Variants in TBC1D2B observed in about 807,000 individuals in gnomAD.
TBC1D2B encodes the protein TBC1 domain family member 2B.
Under a neutral mutation model 100.8 loss-of-function variants are expected in TBC1D2B, and 64 were observed. The observed-to-expected ratio is 0.64, with a 90% CI of 0.52 to 0.78. The LOEUF (loss-of-function observed/expected upper bound fraction) is 0.78. Among genes scored for constraint, TBC1D2B ranks in the 30% least tolerant of loss-of-function variants. The pLI is 0.00. For missense variants in TBC1D2B, 1,052 were observed against 1,218.4 expected (o/e 0.86, Z 2.03); for synonymous variants, 480 against 479.7 (o/e 1.00, Z -0.01).
intron 6 of TBC1D2B, 114 bp downstream of exon 6, chr15:78,024,042 A>G (rs2072586261): frequency 1.5e-6 from 2 of 1,352,074 alleles, no homozygotes; most frequent in Non-Finnish European, 2.0e-6. Flanking sequence ...GGGGAAAAAA[A>G]ATAAGTGTGC....
chr15:78,065,588 A>T (rs2073639436), intron 1 of TBC1D2B, among the ~76,000 whole-genome samples: 1 of 152,240 alleles, frequency 6.6e-6, no homozygotes, highest in Non-Finnish European at 1.5e-5. Flanking sequence ...CAGCTCTGCC[A>T]TTGCACAATG....
At chr15:78,023,702 A>C (rs1191242242) in intron 6 of TBC1D2B, among the ~76,000 whole-genome samples, 2 of 152,172 alleles carry the variant, frequency 1.3e-5, no homozygotes, top group Non-Finnish European at 2.9e-5. Flanking sequence ...GCCTACTTGG[A>C]AGCTGGAGTC....
chr15:78,000,128 C>T (rs1484606733), intron 12 of TBC1D2B, among the ~76,000 whole-genome samples: 3 of 152,334 alleles, frequency 2.0e-5, no homozygotes, highest in South Asian at 2.1e-4. Flanking sequence ...GGGAGCCTGC[C>T]GCCGCCTTGG....
Position 78,013,200 on chromosome 15 carries a change from G to C in TBC1D2B, c.1893C>G (p.Val631=). ...AGTTTTCCCACTTGACCCCAGTGGA[G>C]ACTTCCTGGTTTTCTGTGAGGTAGA... ...KTLYLTENQE[V]STGVKWENYF... is the part of the protein sequence containing the mutation. The change falls in exon 9 of 13, where the codon GTC becomes GTG. Residue 631 remains valine (V), a synonymous_variant. Coordinates refer to ENST00000300584, the MANE Select transcript of TBC1D2B (RefSeq NM_144572.2). 1 of 1,614,020 alleles carries C rather than the reference G, an allele frequency of 6.2e-7. No individual in the cohort carries two copies. The highest frequency in any genetic ancestry group is 8.5e-7 in the Non-Finnish European group (1 of 1,179,898).
At chr15:78,034,461 T>C in intron 3 of TBC1D2B, 1 of 982,712 alleles carries the variant, frequency 1.0e-6, no homozygotes, top group Non-Finnish European at 1.2e-6. Flanking sequence ...TTTTAGGAGT[T>C]AAATTCTCCT....
At chr15:78,013,436 G>A (rs1462399022) in intron 8 of TBC1D2B, 119 bp from the exon 9 acceptor site, 3 of 961,080 alleles carry the variant, frequency 3.1e-6, no homozygotes, top group Admixed American at 5.8e-5. Context: ...TGAACTATGA[G>A]AAGCATTTCA....
intron 2 of TBC1D2B, among the ~76,000 whole-genome samples, chr15:78,048,548 CCT>C (rs2073247563): frequency 6.6e-6 from 1 of 152,156 alleles, no homozygotes; most frequent in Non-Finnish European, 1.5e-5. Flanking sequence ...GGTGTTTAGA[CCT>C]CTGTCTTTTT....
chr15:78,015,568 G>A (rs568731767), intron 8 of TBC1D2B, among the ~76,000 whole-genome samples: 1 of 152,344 alleles, frequency 6.6e-6, no homozygotes, highest in East Asian at 1.9e-4. Flanking sequence ...AAGCAGCAAT[G>A]CCCAGCGTAC....
At chr15:78,045,097 T>A (rs1182013956) in intron 2 of TBC1D2B, 29 bp from the exon 3 acceptor site, 1 of 1,578,424 alleles carries the variant, frequency 6.3e-7, no homozygotes, top group Admixed American at 1.8e-5. Context: ...AAATGTCAGT[T>A]ACTCAAAGCT....
intron 11 of TBC1D2B, chr15:78,003,047 C>T (rs2071958114): frequency 8.8e-6 from 3 of 342,504 alleles, no homozygotes; most frequent in Non-Finnish European, 1.7e-5. Context: ...GATGGTGAGG[C>T]TCAGGCTCAA....
chr15:78,001,706 T>G lies in TBC1D2B; in HGVS notation c.2609A>C (p.Tyr870Ser). ...CAATTTCAAAATCTCCTCTTCCTTG[T>G]ACTTAAAAAGTGCCAGAGCAAAACG... Reference protein sequence around the residue: ...IFRFALALFKYKEEEILKLQD... With the variant: ...IFRFALALFKSKEEEILKLQD... Residue 870 changes from tyrosine (Y) to serine (S), a missense_variant, in exon 12 of 13, where the codon TAC becomes TCC. Tyr to Ser is a moderately radical substitution (Grantham distance 144). This residue lies in a region of TBC1D2B where 373 missense variants were observed against 464.9 expected (regional missense o/e 0.80). Coordinates refer to ENST00000300584, the MANE Select transcript of TBC1D2B (RefSeq NM_144572.2). 2 of 1,608,758 alleles carry G rather than the reference T, an allele frequency of 1.2e-6. No homozygotes were observed. Among genetic ancestry groups the G allele is most frequent in the Non-Finnish European group, 1.7e-6 (2 of 1,177,508 alleles).
chr15:78,044,631 C>A (rs1259459573), intron 3 of TBC1D2B, among the ~76,000 whole-genome samples: 1 of 152,202 alleles, frequency 6.6e-6, no homozygotes, highest in Non-Finnish European at 1.5e-5. Flanking sequence ...CAGTTTCAGT[C>A]TCTGTAAAAT....
In TBC1D2B at chr15:78,056,391, A is replaced by T. The variant is rs181324753; in HGVS notation, c.361-2204T>A. On this transcript the variant is annotated intron_variant, in intron 1 of 12. Transcript: ENST00000300584. ...AGCAGGGCACTGACATTATTAGACA[A>T]AGGTACTGCTGGTGAAAATGGTGGT... Among the ~76,000 whole-genome samples, 350 of 152,298 alleles carry T rather than the reference A, an allele frequency of 2.3e-3. 4 individuals are homozygous for T. The highest frequency in any genetic ancestry group is 2.5e-3 in the Non-Finnish European group (171 of 68,010).
chr15:78,037,731 G>C (rs958659260), intron 3 of TBC1D2B, among the ~76,000 whole-genome samples: 5 of 152,188 alleles, frequency 3.3e-5, no homozygotes, highest in African/African-American at 1.2e-4. Flanking sequence ...CATCAATTAA[G>C]GAGTGAGGAA....
chr15:78,047,564 C>T (rs1307765298), intron 2 of TBC1D2B, among the ~76,000 whole-genome samples: 7 of 152,088 alleles, frequency 4.6e-5, no homozygotes, highest in Non-Finnish European at 7.4e-5. Flanking sequence ...CTCAGCAGTT[C>T]CTCCTTCACT....
chr15:78,012,437 C>T (rs1446724130), intron 9 of TBC1D2B, among the ~76,000 whole-genome samples: 1 of 152,216 alleles, frequency 6.6e-6, no homozygotes, highest in Non-Finnish European at 1.5e-5. Context: ...TTGTTTGGGG[C>T]AACCTCTTGA....
At chr15:78,056,016 A>ATGTC (rs2073415210) in intron 1 of TBC1D2B, among the ~76,000 whole-genome samples, 2 of 152,238 alleles carry the variant, frequency 1.3e-5, no homozygotes, top group Admixed American at 1.3e-4. Context: ...GGCAGGTTCA[A>ATGTC]AAGCTTCAAA....
At chr15:78,052,271 G>C (rs773960605) in intron 2 of TBC1D2B, among the ~76,000 whole-genome samples, 34 of 152,294 alleles carry the variant, frequency 2.2e-4, no homozygotes, top group Non-Finnish European at 3.8e-4. Context: ...TCCTCAGAGA[G>C]GCCCTAACTG....
intron 1 of TBC1D2B, among the ~76,000 whole-genome samples, chr15:78,064,029 T>C (rs183694746): frequency 6.6e-6 from 1 of 152,272 alleles, no homozygotes; most frequent in East Asian, 1.9e-4. Flanking sequence ...TAAAACTCTC[T>C]CATGGCTTCC....
Sources: gnomAD v4.1 joint callset for allele counts (sites outside exome capture counted in the v4.1 genomes callset) on GRCh38, gnomAD v4.1.1 for gene constraint, gnomAD v4.1.1 regional missense constraint, MANE v1.5 for transcripts, NCBI Gene and HGNC (gene_info 2026-07-23, HGNC 2026-07-21) for gene names.